DSCAM: variants seen among roughly 807,000 people sequenced by gnomAD.
The protein encoded by DSCAM is cell adhesion molecule DSCAM.
A neutral mutation model predicts 217.7 loss-of-function variants in DSCAM; 47 were observed. The observed-to-expected ratio is 0.22, with a 90% CI of 0.17 to 0.28. The LOEUF is 0.28. DSCAM is among the 10% of genes least tolerant of loss of function. The pLI, the probability that DSCAM is intolerant of heterozygous loss-of-function variation, is 1.00. For missense variants in DSCAM, 2,080 were observed against 2,618.3 expected (o/e 0.79, Z 4.49); for synonymous variants, 1,056 against 1,015.3 (o/e 1.04, Z -0.76).
At chr21:40,154,893 G>T (rs2090460135) in intron 16 of DSCAM, among the ~76,000 whole-genome samples, 1 of 152,208 alleles carries the variant, frequency 6.6e-6, no homozygotes, top group Non-Finnish European at 1.5e-5. Flanking sequence ...AGTCAGACTT[G>T]GCAGCTGAGG....
At chr21:40,345,913 C>A (rs746198524) in intron 6 of DSCAM, among the ~76,000 whole-genome samples, 239 of 152,320 alleles carry the variant, frequency 1.6e-3, no homozygotes, top group Admixed American at 2.7e-3. Context: ...GCCTCGGCCC[C>A]CTTTTTAGTT....
chr21:40,395,396 A>T (rs1228165346), intron 3 of DSCAM, among the ~76,000 whole-genome samples: 1 of 151,716 alleles, frequency 6.6e-6, no homozygotes, highest in Non-Finnish European at 1.5e-5. Context: ...CTGTAAAATG[A>T]CGCATGTTTT....
At chr21:40,573,134 G>A (rs918879340) in intron 3 of DSCAM, among the ~76,000 whole-genome samples, 4 of 152,064 alleles carry the variant, frequency 2.6e-5, no homozygotes, top group African/African-American at 7.2e-5. Flanking sequence ...TCAGGAGATC[G>A]AGACCATCCT....
At chr21:40,545,080 G>A (rs1473963790) in intron 3 of DSCAM, among the ~76,000 whole-genome samples, 3 of 152,152 alleles carry the variant, frequency 2.0e-5, no homozygotes, top group Non-Finnish European at 2.9e-5. Flanking sequence ...AAGCCCTCAA[G>A]AATGAGATTA....
At chr21:40,828,680 C>G (rs1219263101) in intron 1 of DSCAM, among the ~76,000 whole-genome samples, 1 of 129,224 alleles carries the variant, frequency 7.7e-6, no homozygotes, top group Non-Finnish European at 1.6e-5. Context: ...TTTTTTGAGA[C>G]AGTCTCACTC....
intron 3 of DSCAM, among the ~76,000 whole-genome samples, chr21:40,564,640 G>A (rs1280991804): frequency 6.6e-6 from 1 of 152,032 alleles, no homozygotes. Flanking sequence ...CTTTCTCTAG[G>A]TCTGTCTCTA....
intron 3 of DSCAM, among the ~76,000 whole-genome samples, chr21:40,554,633 G>A (rs1468435012): frequency 1.3e-5 from 2 of 152,126 alleles, no homozygotes; most frequent in Non-Finnish European, 2.9e-5. Context: ...CACATAGAGG[G>A]AGACATACTC....
chr21:40,838,182 TC>T (rs1476670527), intron 1 of DSCAM, among the ~76,000 whole-genome samples: 1 of 152,268 alleles, frequency 6.6e-6, no homozygotes, highest in Non-Finnish European at 1.5e-5. Flanking sequence ...TTTCTACTTG[TC>T]TTTCTCTTAT....
At chr21:40,066,562 C>G (rs916968331) in intron 27 of DSCAM, among the ~76,000 whole-genome samples, 1 of 152,212 alleles carries the variant, frequency 6.6e-6, no homozygotes, top group Admixed American at 6.5e-5. Flanking sequence ...TTCTAGCACA[C>G]TAGGGAGAGC....
At chr21:40,754,976 C>T (rs1379674606) in intron 1 of DSCAM, among the ~76,000 whole-genome samples, 1 of 152,174 alleles carries the variant, frequency 6.6e-6, no homozygotes, top group Non-Finnish European at 1.5e-5. Context: ...TTCCCAAAGC[C>T]TCCTTCTGCA....
intron 3 of DSCAM, among the ~76,000 whole-genome samples, chr21:40,517,051 T>C (rs115737387): frequency 0.017 from 2,508 of 147,862 alleles, 57 homozygotes; most frequent in African/African-American, 0.04. Flanking sequence ...ATACCTTATA[T>C]ACTCTGTGTA....
chr21:40,833,060 C>T (rs2092024871), intron 1 of DSCAM, among the ~76,000 whole-genome samples: 1 of 152,128 alleles, frequency 6.6e-6, no homozygotes, highest in African/African-American at 2.4e-5. Flanking sequence ...CGAGAACACC[C>T]CTCCCGGGGC....
At chr21:40,532,190 C>T (rs57116723) in intron 3 of DSCAM, among the ~76,000 whole-genome samples, 1 of 151,960 alleles carries the variant, frequency 6.6e-6, no homozygotes, top group African/African-American at 2.4e-5. Context: ...GCTTAAAATA[C>T]TTTATACAAA....
At chr21:40,653,075 G>A (rs186118610) in intron 3 of DSCAM, among the ~76,000 whole-genome samples, 3 of 152,276 alleles carry the variant, frequency 2.0e-5, no homozygotes, top group African/African-American at 7.2e-5. Context: ...AAAGACAACT[G>A]GAAGCCTGTG....
At chr21:40,718,207 G>A (rs562921015) in intron 1 of DSCAM, among the ~76,000 whole-genome samples, 6 of 152,330 alleles carry the variant, frequency 3.9e-5, no homozygotes, top group East Asian at 1.9e-4. Flanking sequence ...TTTCACTAAC[G>A]TAAAGAGGGC....
chr21:40,560,650 C>T (rs2076713386), intron 3 of DSCAM, among the ~76,000 whole-genome samples: 1 of 152,230 alleles, frequency 6.6e-6, no homozygotes. Flanking sequence ...GCCTAGCCTA[C>T]TTGAAATGTG....
intron 3 of DSCAM, among the ~76,000 whole-genome samples, chr21:40,560,001 G>C (rs555256529): frequency 6.6e-6 from 1 of 152,010 alleles, no homozygotes; most frequent in Non-Finnish European, 1.5e-5. Context: ...CACCGTGTTA[G>C]CCAGGATGGT....
chr21:40,601,382 GACT>G (rs1356534894), intron 3 of DSCAM, among the ~76,000 whole-genome samples: 1 of 152,112 alleles, frequency 6.6e-6, no homozygotes, highest in East Asian at 1.9e-4. Context: ...AACCCTCTAT[GACT>G]ACTTATTAAT....
intron 3 of DSCAM, among the ~76,000 whole-genome samples, chr21:40,530,056 C>T (rs796972157): frequency 1.3e-5 from 2 of 152,250 alleles, no homozygotes; most frequent in African/African-American, 4.8e-5. Context: ...AAGAACTGAA[C>T]ACCTTATACA....
Sources: gnomAD v4.1 joint callset for allele counts (sites outside exome capture counted in the v4.1 genomes callset) on GRCh38, gnomAD v4.1.1 for gene constraint, MANE v1.5 for transcripts, NCBI Gene and HGNC (gene_info 2026-07-23, HGNC 2026-07-21) for gene names.